Variants in COL23A1 observed in about 807,000 individuals in gnomAD.
COL23A1 encodes the protein collagen type XXIII alpha 1 chain.
In COL23A1, 97 loss-of-function variants were observed where a neutral mutation model predicts 99.3. The observed-to-expected ratio is 0.98, with a 90% CI of 0.83 to 1.16. COL23A1 has a LOEUF of 1.16. COL23A1 is among the 50% of genes most tolerant of loss of function. The pLI is 0.00. For missense variants in COL23A1, 762 were observed against 757.4 expected, an observed-to-expected ratio of 1.01 and a Z score of -0.07; for synonymous variants, 320 against 308.2, an observed-to-expected ratio of 1.04 and a Z score of -0.40.
intron 1 of COL23A1, among the ~76,000 whole-genome samples, chr5:178,566,546 T>C (rs1033955205): frequency 4.6e-5 from 7 of 152,152 alleles, no homozygotes; most frequent in African/African-American, 1.7e-4. Context: ...CCAGGTGTGG[T>C]GGCTCGCGCC....
intron 1 of COL23A1, among the ~76,000 whole-genome samples, chr5:178,561,433 G>A (rs1241418932): frequency 5.3e-5 from 8 of 152,194 alleles, no homozygotes; most frequent in African/African-American, 1.7e-4. Context: ...AGGGTCAAAA[G>A]GCACAGCTCC....
Position 178,560,769 on chromosome 5 carries a change from GA to G in COL23A1, c.295-22del, listed in dbSNP as rs748314939. ...AACTTCTGAGCCGGAAAAAAAAAAA[GA>G]AAAAAAACGAGGAGAGAATGAGTTT... On this transcript the variant is annotated intron_variant, in intron 1 of 28. Transcript: ENST00000390654. 13 of 1,556,570 alleles carry G rather than the reference GA, an allele frequency of 8.4e-6. No individual in the cohort carries two copies. In the African/African-American group the frequency reaches 1.5e-4, roughly 18 times the overall value.
chr5:178,439,874 A>C lies in COL23A1; in HGVS notation c.361+120808T>G, dbSNP rs941773577. The C allele has an allele frequency of 3.9e-5, 6 of 152,244 alleles. No homozygotes were observed. Among genetic ancestry groups the C allele is most frequent in the Admixed American group, 1.3e-4 (2 of 15,276 alleles). The allele number at this position is 152,244 out of a possible 1,614,324, so 9.4% of individuals were successfully genotyped here. ...AATACCACTACATGCTACAACATGG[A>C]TGAGCCCCAGAAATGCGACGCTGAG... On this transcript the variant is annotated intron_variant, in intron 2 of 28. Transcript: ENST00000390654. This position sits in a 1 kb window ranked among gnomAD's most constrained non-coding sequence, Gnocchi z 4.2.
rs11746402 is a variant in COL23A1 at position 178,365,252 on chromosome 5, T to C, written c.362-58333A>G. 0.12 allele frequency among the ~76,000 whole-genome samples: 18,241 copies of C among 151,594 alleles called. 1,069 individuals are homozygous for C. The highest frequency in any genetic ancestry group is 0.15 in the Middle Eastern group (45 of 294). On this transcript the variant is annotated intron_variant, in intron 2 of 28. Transcript: ENST00000390654. The surrounding 1 kb of genome is among the most constrained non-coding windows in gnomAD (Gnocchi z 5.2). ...TCCAGCCCCAGCGCACAGGAAACCC[T>C]GCTCAGGCAGATGGTGTGGGAGAGC...
chr5:178,438,607 T>G (rs933846887), intron 2 of COL23A1: 16 of 152,318 alleles, frequency 1.1e-4, no homozygotes, highest in Non-Finnish European at 1.8e-4. Context: ...TGTAAATATT[T>G]TATGTAAACC....
At chr5:178,465,096 G>C (rs1266114059) in intron 2 of COL23A1, among the ~76,000 whole-genome samples, 1 of 152,204 alleles carries the variant, frequency 6.6e-6, no homozygotes, top group Non-Finnish European at 1.5e-5. Flanking sequence ...GCCAGGTGGG[G>C]CCAGGGGTCT....
chr5:178,548,425 A>G (rs1405429174), intron 2 of COL23A1, among the ~76,000 whole-genome samples: 2 of 152,096 alleles, frequency 1.3e-5, no homozygotes, highest in African/African-American at 4.8e-5. Context: ...TCCCAACTCA[A>G]AAATCTGGGC....
rs1017793092 is a variant in COL23A1 at position 178,565,503 on chromosome 5, C to T, written c.295-4755G>A. Among the ~76,000 whole-genome samples the T allele has an allele frequency of 5.9e-5, 9 of 152,298 alleles. 1 individual carries two copies. In the East Asian group the frequency reaches 1.5e-3, roughly 26 times the overall value. On this transcript the variant is annotated intron_variant, in intron 1 of 28. Coordinates refer to ENST00000390654, the MANE Select transcript of COL23A1 (RefSeq NM_173465.4). ...CACCACCACCAGCAACCCGAGGAGACTCCTTTTCCTGACCCCTTTAAACGT... is the reference window on the plus strand; with the variant it reads ...CACCACCACCAGCAACCCGAGGAGATTCCTTTTCCTGACCCCTTTAAACGT...
intron 2 of COL23A1, among the ~76,000 whole-genome samples, chr5:178,542,134 G>A (rs892377279): frequency 1.3e-5 from 2 of 152,092 alleles, no homozygotes; most frequent in Admixed American, 6.5e-5. Context: ...AGCAGTTCTC[G>A]AGCCTCAGTC....
Position 178,249,311 on chromosome 5 carries a change from T to C in COL23A1, c.1060-105A>G, listed in dbSNP as rs1350364673. 12 of 1,113,732 alleles carry C rather than the reference T, an allele frequency of 1.1e-5. No homozygotes were observed. The East Asian group carries it at 2.8e-4, about 26-fold the overall frequency. The allele number at this position is 1,113,732 out of a possible 1,614,324, so 69.0% of individuals were successfully genotyped here. Reference sequence around the variant, plus strand: ...GTTCATGCTAGGGCCCCACTTTCTCTTTGTGGGTCCCCACCTCCAGCCACA... The same window carrying C: ...GTTCATGCTAGGGCCCCACTTTCTCCTTGTGGGTCCCCACCTCCAGCCACA... On this transcript the variant is annotated intron_variant, in intron 18 of 28. Transcript: ENST00000390654.
intron 2 of COL23A1, chr5:178,345,235 T>C (rs1437336122): frequency 3.5e-6 from 3 of 853,026 alleles, no homozygotes; most frequent in Middle Eastern, 2.4e-4. Context: ...ATTTCTATAA[T>C]GTCCCTATTC....
rs942932593 is a variant in COL23A1 at position 178,415,580 on chromosome 5, A to G, written c.362-108661T>C. Among the ~76,000 whole-genome samples, 7 of 152,098 alleles carry G rather than the reference A, an allele frequency of 4.6e-5. No homozygotes were observed. Among genetic ancestry groups the G allele is most frequent in the Non-Finnish European group, 1.0e-4 (7 of 68,012 alleles). On this transcript the variant is annotated intron_variant, in intron 2 of 28. Transcript: ENST00000390654. This position sits in a 1 kb window ranked among gnomAD's most constrained non-coding sequence, Gnocchi z 4.6. ...GGGACGCCCCTTGCAGATACTTCCA[A>G]TGTGCTGACTGCTGGCACCAGAGGA...
At chr5:178,286,660 C>T (rs1757170896) in intron 5 of COL23A1, among the ~76,000 whole-genome samples, 1 of 152,244 alleles carries the variant, frequency 6.6e-6, no homozygotes, top group African/African-American at 2.4e-5. Context: ...TGCCTGTCGG[C>T]CACAGGGCCA....
intron 6 of COL23A1, 111 bp downstream of exon 6, chr5:178,270,226 T>G: frequency 7.7e-7 from 1 of 1,301,462 alleles, no homozygotes; most frequent in Non-Finnish European, 1.1e-6. Context: ...CTTCTCTCTG[T>G]GCTGAACCAA....
intron 1 of COL23A1, among the ~76,000 whole-genome samples, chr5:178,568,858 T>C (rs1313942144): frequency 6.6e-6 from 1 of 152,238 alleles, no homozygotes; most frequent in Admixed American, 6.5e-5. Flanking sequence ...TTTCCACCTT[T>C]TGGCTGTTGT....
In COL23A1 at chr5:178,453,982, C is replaced by T. The variant is rs557768438; in HGVS notation, c.361+106700G>A. Among the ~76,000 whole-genome samples the T allele has an allele frequency of 2.0e-5, 3 of 152,174 alleles. No individual in the cohort carries two copies. In the South Asian group the frequency reaches 6.2e-4, roughly 32 times the overall value. On this transcript the variant is annotated intron_variant, in intron 2 of 28. Transcript: ENST00000390654. ...GTGGCCAAAGTTTGTAAGATAAAAC[C>T]ATTTTATAGAAAAAGTTTAAATATC...
intron 2 of COL23A1, among the ~76,000 whole-genome samples, chr5:178,312,509 C>T (rs781771086): frequency 2.6e-5 from 4 of 152,162 alleles, no homozygotes; most frequent in Non-Finnish European, 5.9e-5. Context: ...AGGGGGGCCT[C>T]GAACCCCAAC....
At chr5:178,504,461 A>C (rs1389415583) in intron 2 of COL23A1, among the ~76,000 whole-genome samples, 1 of 152,166 alleles carries the variant, frequency 6.6e-6, no homozygotes, top group Non-Finnish European at 1.5e-5. Context: ...GACAGGCAAC[A>C]GGTGGGACCC....
intron 1 of COL23A1, among the ~76,000 whole-genome samples, chr5:178,582,246 G>A (rs1246249228): frequency 1.3e-5 from 2 of 149,212 alleles, no homozygotes; most frequent in African/African-American, 2.5e-5. Context: ...AGGGAGAGAA[G>A]GATGGGCAAG....
Sources: gnomAD v4.1 joint callset for allele counts (sites outside exome capture counted in the v4.1 genomes callset) on GRCh38, gnomAD v4.1.1 for gene constraint, Gnocchi (gnomAD v3.1) non-coding constraint, MANE v1.5 for transcripts, NCBI Gene and HGNC (gene_info 2026-07-23, HGNC 2026-07-21) for gene names.